CD44: variants seen among roughly 807,000 people sequenced by gnomAD.
CD44 encodes CD44 molecule (IN blood group), also known as CD44 antigen.
CD44 carries 49 observed loss-of-function variants against 88.8 expected under a neutral mutation model. The ratio of observed to expected loss-of-function variants is 0.55; its 90% CI spans 0.44 to 0.70. CD44 has a LOEUF of 0.70. CD44 is among the 30% of genes least tolerant of loss of function. The probability of loss-of-function intolerance (pLI) is 0.00; values close to 1 mark genes in which losing one functional copy is unlikely to be tolerated. For synonymous variants in CD44, 325 were observed against 312.3 expected (o/e 1.04, Z -0.43); for missense variants, 883 against 913.8 (o/e 0.97, Z 0.43).
At chr11:35,189,296 C>T (rs538430901) in intron 4 of CD44, among the ~76,000 whole-genome samples, 1 of 152,174 alleles carries the variant, frequency 6.6e-6, no homozygotes, top group Non-Finnish European at 1.5e-5. Flanking sequence ...ACAAAACTTG[C>T]CCCTTAAAAA....
chr11:35,196,705 A>C lies in CD44; in HGVS notation c.668-41A>C, dbSNP rs775441883. ...TCAATGCTATTTCTTAGGAACCGTT[A>C]ATTAATCTTTCAACAATCAATTCAA... On this transcript the variant is annotated intron_variant, in intron 5 of 17. Transcript: ENST00000428726. 4 of 1,602,032 alleles carry C rather than the reference A, an allele frequency of 2.5e-6. No homozygotes were observed. The African/African-American group carries it at 4.0e-5, about 16-fold the overall frequency.
chr11:35,229,038 T>C (rs543395830), intron 17 of CD44, 91 bp from the exon 18 acceptor site: 17 of 1,051,008 alleles, frequency 1.6e-5, no homozygotes, highest in Non-Finnish European at 2.3e-5. Flanking sequence ...TAAACCATAG[T>C]GATCATCAAT....
intron 3 of CD44, among the ~76,000 whole-genome samples, chr11:35,185,073 G>C (rs1340508376): frequency 6.6e-6 from 1 of 152,182 alleles, no homozygotes; most frequent in Non-Finnish European, 1.5e-5. Context: ...AGAAGGCAGA[G>C]ATTGAGAGAA....
intron 5 of CD44, among the ~76,000 whole-genome samples, chr11:35,193,825 A>G (rs1946490976): frequency 6.6e-6 from 1 of 152,218 alleles, no homozygotes; most frequent in Admixed American, 6.5e-5. Context: ...TAGAATAAAA[A>G]GTGACAGAAA....
At chr11:35,157,910 G>A (rs973949842) in intron 1 of CD44, among the ~76,000 whole-genome samples, 5 of 152,170 alleles carry the variant, frequency 3.3e-5, no homozygotes, top group African/African-American at 1.2e-4. Flanking sequence ...TGCTCGGTGT[G>A]GCTCCCCTCT....
chr11:35,195,438 G>A (rs991725440), intron 5 of CD44, among the ~76,000 whole-genome samples: 3 of 152,044 alleles, frequency 2.0e-5, no homozygotes, highest in African/African-American at 7.2e-5. Flanking sequence ...GGGATACAGA[G>A]ATTGCAGAAT....
At chr11:35,199,627 G>T (rs540641976) in intron 7 of CD44, among the ~76,000 whole-genome samples, 1 of 150,544 alleles carries the variant, frequency 6.6e-6, no homozygotes, top group East Asian at 2.0e-4. Context: ...AAAGGAACTA[G>T]AATTTTCTAT....
At chr11:35,148,759 A>G (rs1169366429) in intron 1 of CD44, among the ~76,000 whole-genome samples, 5 of 152,226 alleles carry the variant, frequency 3.3e-5, no homozygotes, top group Admixed American at 1.3e-4. Context: ...TGGGTGCTCA[A>G]TAAACACTTG....
At chr11:35,208,310 G>A (rs1948085128) in intron 12 of CD44, 104 bp downstream of exon 12, 2 of 806,908 alleles carry the variant, frequency 2.5e-6, no homozygotes, top group Middle Eastern at 2.2e-4. Context: ...ATGGTGCTAT[G>A]TGGCTTACTT....
At chr11:35,154,704 T>C (rs575926813) in intron 1 of CD44, among the ~76,000 whole-genome samples, 4 of 152,312 alleles carry the variant, frequency 2.6e-5, no homozygotes, top group East Asian at 1.9e-4. Context: ...GGTATCATGA[T>C]TGAACTTAAG....
chr11:35,155,105 T>C (rs1447216049), intron 1 of CD44, among the ~76,000 whole-genome samples: 2 of 152,082 alleles, frequency 1.3e-5, no homozygotes, highest in Non-Finnish European at 2.9e-5. Flanking sequence ...TTTTGGGAAG[T>C]CCTTAATTGA....
intron 1 of CD44, among the ~76,000 whole-genome samples, chr11:35,157,888 G>A (rs556399908): frequency 1.3e-5 from 2 of 152,306 alleles, no homozygotes; most frequent in African/African-American, 2.4e-5. Flanking sequence ...TTCTTGCTGG[G>A]GCTGAGGGGA....
intron 1 of CD44, among the ~76,000 whole-genome samples, chr11:35,163,122 G>A (rs907882202): frequency 1.3e-5 from 2 of 152,150 alleles, no homozygotes; most frequent in Non-Finnish European, 2.9e-5. Context: ...TATATTTGAA[G>A]AAGGCAAGAT....
At chr11:35,186,518 TC>T (rs1945697500) in intron 3 of CD44, among the ~76,000 whole-genome samples, 2 of 151,454 alleles carry the variant, frequency 1.3e-5, no homozygotes, top group South Asian at 4.3e-4. Flanking sequence ...AGGAGCCGTG[TC>T]TATCTTATTT....
intron 17 of CD44, chr11:35,222,793 G>A (rs1303692580): frequency 1.0e-6 from 1 of 984,726 alleles, no homozygotes; most frequent in African/African-American, 1.7e-5. Flanking sequence ...TTTTGTAAAT[G>A]TCCCTTTAGA....
At chr11:35,221,324 A>G (rs1008250861) in intron 16 of CD44, among the ~76,000 whole-genome samples, 4 of 152,218 alleles carry the variant, frequency 2.6e-5, no homozygotes, top group Non-Finnish European at 4.4e-5. Context: ...AGAAGCCTAC[A>G]TTTCCTTTTA....
In CD44 at chr11:35,206,279, TTGAAATCCAC is replaced by T. The variant is rs746284184; in HGVS notation, c.1414+40_1414+49del. On this transcript the variant is annotated intron_variant, in intron 11 of 17. Coordinates refer to ENST00000428726, the MANE Select transcript of CD44 (RefSeq NM_000610.4). ...CTGAGATTTTTATATATTATGTTTTTTGAAATCCACTGAGTGACTGCTGACTATTTTTCTA... is the reference window on the plus strand; with the variant it reads ...CTGAGATTTTTATATATTATGTTTTTTGAGTGACTGCTGACTATTTTTCTA... 4.7e-5 allele frequency: 73 copies of T among 1,562,992 alleles called. 1 individual carries two copies. Among genetic ancestry groups the T allele is most frequent in the Non-Finnish European group, 6.2e-5 (72 of 1,157,236 alleles).
chr11:35,215,256 C>G (rs1195982814), intron 15 of CD44, among the ~76,000 whole-genome samples: 1 of 152,224 alleles, frequency 6.6e-6, no homozygotes, highest in Non-Finnish European at 1.5e-5. Flanking sequence ...CCCAATTTAA[C>G]CTTGCACTAC....
chr11:35,204,106 T>C (rs1349233984), intron 9 of CD44, among the ~76,000 whole-genome samples: 1 of 152,180 alleles, frequency 6.6e-6, no homozygotes, highest in South Asian at 2.1e-4. Flanking sequence ...GATCTTGTTA[T>C]TAGCTGTTAT....
Sources: gnomAD v4.1 joint callset for allele counts (sites outside exome capture counted in the v4.1 genomes callset) on GRCh38, gnomAD v4.1.1 for gene constraint, MANE v1.5 for transcripts, NCBI Gene and HGNC (gene_info 2026-07-23, HGNC 2026-07-21) for gene names.